The following SCNN1G variants were observed in gnomAD, a reference collection of about 807,000 sequenced individuals.
SCNN1G encodes the protein sodium channel epithelial 1 subunit gamma, also known as epithelial sodium channel subunit gamma.
A neutral mutation model predicts 64.6 loss-of-function variants in SCNN1G; 27 were observed. That is an observed-to-expected ratio of 0.42 (90% CI 0.31 to 0.58). The LOEUF (loss-of-function observed/expected upper bound fraction) is 0.58, where lower values mean the gene tolerates loss of function less well. Among genes scored for constraint, SCNN1G ranks in the 20% least tolerant of loss-of-function variants. The pLI, the probability that SCNN1G is intolerant of heterozygous loss-of-function variation, is 0.18. For synonymous variants in SCNN1G, 330 were observed against 314.2 expected, an observed-to-expected ratio of 1.05 and a Z score of -0.53; for missense variants, 743 against 823.4, an observed-to-expected ratio of 0.90 and a Z score of 1.19.
At position 23,189,408 on chromosome 16, in the gene SCNN1G, C is replaced by G; in HGVS notation, c.355C>G (p.Gln119Glu). 1.2e-6 allele frequency: 2 copies of G among 1,614,122 alleles called. No homozygotes were observed. The highest frequency in any genetic ancestry group is 3.3e-4 in the Middle Eastern group (2 of 6,006). The change falls in exon 3 of 13, where the codon CAG becomes GAG. Residue 119 changes from glutamine (Q) to glutamate (E), a missense_variant. Gln to Glu is a conservative substitution (Grantham distance 29, BLOSUM62 2). Coordinates refer to ENST00000300061, the MANE Select transcript of SCNN1G (RefSeq NM_001039.4). ...TCGCCACCTTCTAGCTGACTTGGAA[C>G]AGGAGACCAGAGAGGCCCTGAAGTC... is the stretch of plus-strand genomic sequence containing the variant. Reference protein sequence around the residue: ...TVRHLLADLEQETREALKSLY... With the variant: ...TVRHLLADLEEETREALKSLY...
chr16:23,201,722 GAT>G (rs895498360), intron 6 of SCNN1G, among the ~76,000 whole-genome samples: 1 of 152,214 alleles, frequency 6.6e-6, no homozygotes, highest in Non-Finnish European at 1.5e-5. Flanking sequence ...TTCACTGAGA[GAT>G]TGTGTGTCCA....
intron 6 of SCNN1G, among the ~76,000 whole-genome samples, chr16:23,209,426 C>T (rs972393309): frequency 6.6e-6 from 1 of 152,164 alleles, no homozygotes; most frequent in Non-Finnish European, 1.5e-5. Context: ...CCTCCAGTTT[C>T]CCTACCCCAT....
rs201748986 is a variant in SCNN1G, at chr16:23,189,599, C to T, written c.546C>T (p.Val182=). 2.2e-5 allele frequency: 36 copies of T among 1,614,198 alleles called. No homozygotes were observed. Among genetic ancestry groups the T allele is most frequent in the South Asian group, 8.8e-5 (8 of 91,080 alleles). ...TCTTCACAGGGAGGAAGCGGAAAGTCGGCGGTAGCATCATTCACAAGGCTT... is the reference window on the plus strand; with the variant it reads ...TCTTCACAGGGAGGAAGCGGAAAGTTGGCGGTAGCATCATTCACAAGGCTT... ...RDFFTGRKRK[V]GGSIIHKASN... is the part of the protein sequence containing the mutation. Residue 182 remains valine, a synonymous_variant, in exon 3 of 13, where the codon GTC becomes GTT. Transcript: ENST00000300061.
intron 6 of SCNN1G, among the ~76,000 whole-genome samples, chr16:23,207,523 A>G (rs541139833): frequency 1.3e-5 from 2 of 152,298 alleles, no homozygotes; most frequent in Admixed American, 6.5e-5. Context: ...CTACCCATCT[A>G]TTAAGTCTAT....
At chr16:23,206,930 C>T (rs1377254663) in intron 6 of SCNN1G, among the ~76,000 whole-genome samples, 2 of 152,166 alleles carry the variant, frequency 1.3e-5, no homozygotes, top group East Asian at 1.9e-4. Flanking sequence ...TCTTCCTAGC[C>T]TCCACAAGCC....
Position 23,192,332 on chromosome 16 carries a change from G to GC in SCNN1G, c.619-19dup, listed in dbSNP as rs1169809517. The GC allele has an allele frequency of 7.5e-6, 12 of 1,607,356 alleles. No homozygotes were observed. Among genetic ancestry groups the GC allele is most frequent in the East Asian group, 6.7e-5 (3 of 44,860 alleles). On this transcript the variant is annotated intron_variant, in intron 3 of 12. Transcript: ENST00000300061. ...CGATAGGACCGATGGCTTCAGCCTC[G>GC]CATCTCCTCTTATTCACAGTGCTCA...
chr16:23,199,092 G>A (rs1007401236), intron 6 of SCNN1G, among the ~76,000 whole-genome samples: 8 of 152,074 alleles, frequency 5.3e-5, no homozygotes, highest in Non-Finnish European at 8.8e-5. Context: ...GTACCAAGCA[G>A]AGTGTATCTC....
chr16:23,209,414 C>T (rs961033895), intron 6 of SCNN1G, among the ~76,000 whole-genome samples: 2 of 152,264 alleles, frequency 1.3e-5, no homozygotes, highest in South Asian at 2.1e-4. Context: ...CTGCTCTTAA[C>T]GCCTCCAGTT....
intron 11 of SCNN1G, among the ~76,000 whole-genome samples, chr16:23,213,565 A>T (rs1020670147): frequency 2.6e-5 from 4 of 152,012 alleles, no homozygotes; most frequent in African/African-American, 7.2e-5. Context: ...TCTCCTTTTC[A>T]TTCACTCACT....
chr16:23,214,567 C>G, intron 11 of SCNN1G, 145 bp from the exon 12 acceptor site: 1 of 706,634 alleles, frequency 1.4e-6, no homozygotes, highest in Non-Finnish European at 2.6e-6. Context: ...GTAGACGGAG[C>G]CCTTATGGGC....
intron 6 of SCNN1G, among the ~76,000 whole-genome samples, chr16:23,208,946 G>T (rs1287604840): frequency 6.6e-6 from 1 of 152,000 alleles, no homozygotes; most frequent in Admixed American, 6.6e-5. Flanking sequence ...CAGTGGATTT[G>T]CCAACTGCAA....
Position 23,192,339 on chromosome 16 carries a change from C to T in SCNN1G, c.619-13C>T. The T allele has an allele frequency of 5.6e-6, 9 of 1,612,274 alleles. No individual in the cohort carries two copies. The highest frequency in any genetic ancestry group is 7.6e-6 in the Non-Finnish European group (9 of 1,178,366). On this transcript the variant is annotated splice_polypyrimidine_tract_variant and intron_variant, in intron 3 of 12. Coordinates refer to ENST00000300061, the MANE Select transcript of SCNN1G (RefSeq NM_001039.4). ...ACCGATGGCTTCAGCCTCGCATCTC[C>T]TCTTATTCACAGTGCTCAAATGACA...
At chr16:23,212,238 T>TCACGCAAAAGGCAACAGGG in intron 8 of SCNN1G, 87 bp downstream of exon 8, 1 of 853,290 alleles carries the variant, frequency 1.2e-6, no homozygotes, top group Non-Finnish European at 2.0e-6. Context: ...ACTCCACCCC[T>TCACGCAAAAGGCAACAGGG]GTTGCCTTTT....
chr16:23,200,968 C>A (rs952951896), intron 6 of SCNN1G, among the ~76,000 whole-genome samples: 3 of 152,190 alleles, frequency 2.0e-5, no homozygotes, highest in African/African-American at 7.2e-5. Flanking sequence ...TCTCAGGAGG[C>A]ATGTTACTTA....
chr16:23,183,426 G>T (rs1191879942), intron 1 of SCNN1G, among the ~76,000 whole-genome samples: 1 of 152,178 alleles, frequency 6.6e-6, no homozygotes, highest in Admixed American at 6.5e-5. Context: ...CACTGATCGG[G>T]AACTCTCCGG....
At position 23,216,748 on chromosome 16, in the gene SCNN1G, C is replaced by G. The variant is rs1960163741; in HGVS notation, c.*1279C>G. On this transcript the variant is annotated 3_prime_UTR_variant, in exon 13 of 13. Transcript: ENST00000300061. The stretch of plus-strand genomic sequence containing the variant: ...TCCCAAAGTGCAGGGATTACAGGCA[C>G]AAGCCACCGTGCCCAGCCAAGAATT... 6.6e-6 allele frequency: 1 copy of G among 152,138 alleles called. No individual in the cohort carries two copies. Among genetic ancestry groups the G allele is most frequent in the Non-Finnish European group, 1.5e-5 (1 of 68,032 alleles). 9.4% of individuals were successfully genotyped at this position (152,138 alleles called of 1,614,324 possible).
In SCNN1G at chr16:23,214,631, G is replaced by A. The variant is rs1461368649; in HGVS notation, c.1494-81G>A. ...TGCCTTGGCCATGCTGCCAGCTTGG[G>A]TAGGAGGGAGACAGCCATGCTGAGG... is the stretch of plus-strand genomic sequence containing the variant. On this transcript the variant is annotated intron_variant, in intron 11 of 12. Transcript: ENST00000300061. 2.7e-6 allele frequency: 3 copies of A among 1,130,152 alleles called. No individual in the cohort carries two copies. The Admixed American group carries it at 5.1e-5, about 19-fold the overall frequency. The allele number at this position is 1,130,152 out of a possible 1,614,324, so 70.0% of individuals were successfully genotyped here.
chr16:23,183,946 C>T (rs1225142510), intron 1 of SCNN1G, among the ~76,000 whole-genome samples: 1 of 152,106 alleles, frequency 6.6e-6, no homozygotes, highest in Non-Finnish European at 1.5e-5. Context: ...TTCATTTGTA[C>T]AATGGAGGTG....
At chr16:23,194,427 T>C (rs1465817780) in intron 5 of SCNN1G, among the ~76,000 whole-genome samples, 153 bp downstream of exon 5, 1 of 152,232 alleles carries the variant, frequency 6.6e-6, no homozygotes, top group Non-Finnish European at 1.5e-5. Flanking sequence ...AGTGTTTCCA[T>C]CAGTGTTCAT....
Sources: gnomAD v4.1 joint callset for allele counts (sites outside exome capture counted in the v4.1 genomes callset) on GRCh38, gnomAD v4.1.1 for gene constraint, MANE v1.5 for transcripts, NCBI Gene and HGNC (gene_info 2026-07-23, HGNC 2026-07-21) for gene names.